Variants in RASGEF1C observed in about 807,000 individuals in gnomAD.
RASGEF1C encodes RasGEF domain family member 1C, also known as ras-GEF domain-containing family member 1C.
A neutral mutation model predicts 58.1 loss-of-function variants in RASGEF1C; 27 were observed. The ratio of observed to expected loss-of-function variants is 0.46; its 90% confidence interval spans 0.34 to 0.64. RASGEF1C has a LOEUF of 0.64. Ranked by LOEUF, RASGEF1C falls within the 30% of genes least tolerant of loss-of-function variation. RASGEF1C has a pLI of 0.01. For synonymous variants in RASGEF1C, 243 were observed against 246.3 expected, an observed-to-expected ratio of 0.99 and a Z score of 0.13; for missense variants, 502 against 605.1, an observed-to-expected ratio of 0.83 and a Z score of 1.79.
intron 4 of RASGEF1C, among the ~76,000 whole-genome samples, chr5:180,133,698 G>C (rs1421280039): frequency 6.7e-6 from 1 of 150,214 alleles, no homozygotes; most frequent in African/African-American, 2.5e-5. Context: ...AAATGTGTGT[G>C]AGGACAGGAC....
intron 1 of RASGEF1C, among the ~76,000 whole-genome samples, chr5:180,180,195 T>C (rs1372731389): frequency 6.6e-6 from 1 of 152,168 alleles, no homozygotes; most frequent in African/African-American, 2.4e-5. Flanking sequence ...TCTCAGTCTG[T>C]GGAGGTAATA....
chr5:180,179,828 G>A lies in RASGEF1C; in HGVS notation c.-7+29200C>T, dbSNP rs117741857. 2.1e-4 allele frequency among the ~76,000 whole-genome samples: 32 copies of A among 152,356 alleles called. No homozygotes were observed. The East Asian group carries it at 5.2e-3, about 25-fold the overall frequency. On this transcript the variant is annotated intron_variant, in intron 1 of 13. Transcript: ENST00000361132. ...ATCTCCGTGTACCCAGAGATAAGTC[G>A]TGTACATTAAATGATAGCAGACTCA... is the stretch of plus-strand genomic sequence containing the variant.
chr5:180,205,362 C>A (rs1756469258), intron 1 of RASGEF1C, among the ~76,000 whole-genome samples: 1 of 152,054 alleles, frequency 6.6e-6, no homozygotes, highest in African/African-American at 2.4e-5. Context: ...TAAAAATACT[C>A]ATGAATAAAC....
Position 180,155,590 on chromosome 5 carries a change from A to T in RASGEF1C, c.-6-17532T>A, listed in dbSNP as rs986624848. On this transcript the variant is annotated intron_variant, in intron 1 of 13. Transcript: ENST00000361132. The surrounding 1 kb of genome is among the most constrained non-coding windows in gnomAD (Gnocchi z 5.2). ...TCTGATTGCTCAGGGCCCGGCTTGC[A>T]GGCAATCTGTTGGATGCGAGGCGAC... is the stretch of plus-strand genomic sequence containing the variant. Among the ~76,000 whole-genome samples the T allele has an allele frequency of 7.2e-5, 11 of 151,866 alleles. No homozygotes were observed. The highest frequency in any genetic ancestry group is 1.2e-4 in the Non-Finnish European group (8 of 67,970).
At chr5:180,134,976 C>T (rs1279007732) in intron 4 of RASGEF1C, among the ~76,000 whole-genome samples, 1 of 149,550 alleles carries the variant, frequency 6.7e-6, no homozygotes, top group Non-Finnish European at 1.5e-5. Flanking sequence ...TTCCCACATT[C>T]ATCTATAAAA....
At chr5:180,141,907 A>G (rs1257850795) in intron 1 of RASGEF1C, among the ~76,000 whole-genome samples, 1 of 152,094 alleles carries the variant, frequency 6.6e-6, no homozygotes, top group African/African-American at 2.4e-5. Context: ...ACGGGGTTTC[A>G]CCATGTTAGC....
intron 1 of RASGEF1C, among the ~76,000 whole-genome samples, chr5:180,189,645 C>T (rs549956932): frequency 1.8e-4 from 28 of 152,222 alleles, no homozygotes; most frequent in African/African-American, 5.3e-4. Context: ...TGGTGGCTCA[C>T]GCCTGGTGGC....
chr5:180,176,193 C>T (rs550284876), intron 1 of RASGEF1C, among the ~76,000 whole-genome samples: 1 of 152,212 alleles, frequency 6.6e-6, no homozygotes, highest in Non-Finnish European at 1.5e-5. Context: ...TGGCCTGGGC[C>T]CTGGTGGCCA....
At chr5:180,103,871 G>A (rs1048239633) in intron 12 of RASGEF1C, among the ~76,000 whole-genome samples, 1 of 152,098 alleles carries the variant, frequency 6.6e-6, no homozygotes, top group Non-Finnish European at 1.5e-5. Flanking sequence ...GTTTCTGAGA[G>A]TTTTTACCAT....
chr5:180,142,586 G>T (rs1009040926), intron 1 of RASGEF1C, among the ~76,000 whole-genome samples: 1 of 152,306 alleles, frequency 6.6e-6, no homozygotes, highest in South Asian at 2.1e-4. Flanking sequence ...GCATGGACGG[G>T]GAGGTGCACA....
rs182903756 is a variant in RASGEF1C at position 180,119,950 on chromosome 5, C to T, written c.805-502G>A. Among the ~76,000 whole-genome samples, 13 of 152,232 alleles carry T rather than the reference C, an allele frequency of 8.5e-5. No homozygotes were observed. In the East Asian group the frequency reaches 9.7e-4, roughly 11 times the overall value. ...CTCGGGACTTCAGACCCCTGTGATG[C>T]GCAGAACCACACCATGTCCTTCCCC... is the stretch of plus-strand genomic sequence containing the variant. On this transcript the variant is annotated intron_variant, in intron 7 of 13. Transcript: ENST00000361132.
chr5:180,120,484 C>T (rs1010931943), intron 7 of RASGEF1C, among the ~76,000 whole-genome samples: 3 of 151,980 alleles, frequency 2.0e-5, no homozygotes, highest in South Asian at 4.2e-4. Context: ...AGATGAGCAG[C>T]CCCCTGGGCT....
intron 1 of RASGEF1C, among the ~76,000 whole-genome samples, chr5:180,176,657 C>T (rs1482124263): frequency 3.3e-5 from 5 of 151,618 alleles, no homozygotes; most frequent in African/African-American, 2.4e-5. Context: ...CCCGGGTTCA[C>T]GCCATTCTCC....
intron 1 of RASGEF1C, among the ~76,000 whole-genome samples, chr5:180,181,679 T>C (rs940206479): frequency 1.3e-5 from 2 of 152,198 alleles, no homozygotes; most frequent in African/African-American, 2.4e-5. Context: ...TCAGAGGGAA[T>C]GTGTCCCATG....
intron 1 of RASGEF1C, among the ~76,000 whole-genome samples, chr5:180,208,531 T>C (rs369567849): frequency 3.9e-5 from 6 of 152,294 alleles, no homozygotes; most frequent in African/African-American, 1.4e-4. Flanking sequence ...GCAGGCCCTC[T>C]GATAGTGGCG....
Position 180,209,176 on chromosome 5 carries a change from C to A in RASGEF1C, c.-155G>T, listed in dbSNP as rs1756557617. ...CCGACCGCCCGGCTCCCAGCGCAGC[C>A]CGCACGAGCGCCTGGCGGCGGCCCC... On this transcript the variant is annotated 5_prime_UTR_variant, in exon 1 of 14. Coordinates refer to ENST00000361132, the MANE Select transcript of RASGEF1C (RefSeq NM_175062.4). The A allele has an allele frequency of 6.8e-6, 1 of 146,972 alleles. No individual in the cohort carries two copies. 9.1% of individuals were successfully genotyped at this position (146,972 alleles called of 1,614,324 possible).
chr5:180,111,530 T>C lies in RASGEF1C; in HGVS notation c.1230A>G (p.Gln410=). 1 of 1,613,974 alleles carries C rather than the reference T, an allele frequency of 6.2e-7. No individual in the cohort carries two copies. The stretch of plus-strand genomic sequence containing the variant: ...CGTCTTGCTCGAAGGGACACTCCAC[T>C]TGTTTCCAGGTGATGAACTCCCCCA... ...KQVGEFITWK[Q]VECPFEQDAS... is the part of the protein sequence containing the mutation. The change falls in exon 12 of 14, where the codon CAA becomes CAG. Residue 410 remains glutamine, a synonymous_variant. Coordinates refer to ENST00000361132, the MANE Select transcript of RASGEF1C (RefSeq NM_175062.4).
rs1561739657 is a variant in RASGEF1C, at chr5:180,136,368, AG to A, written c.438+9del. 1.3e-6 allele frequency: 2 copies of A among 1,552,064 alleles called. No homozygotes were observed. The highest frequency in any genetic ancestry group is 1.7e-6 in the Non-Finnish European group (2 of 1,147,918). ...ACCCAGGGTGACGCGACCCCCGCCC[AG>A]CTGCCCACCTCGTCACAGGGGGCGA... On this transcript the variant is annotated intron_variant, in intron 4 of 13. Coordinates refer to ENST00000361132, the MANE Select transcript of RASGEF1C (RefSeq NM_175062.4).
At chr5:180,182,686 A>G (rs988203771) in intron 1 of RASGEF1C, among the ~76,000 whole-genome samples, 27 of 152,278 alleles carry the variant, frequency 1.8e-4, no homozygotes, top group Middle Eastern at 3.4e-3. Flanking sequence ...TGCTTTTACA[A>G]TCCTTTAGCT....
Sources: gnomAD v4.1 joint callset for allele counts (sites outside exome capture counted in the v4.1 genomes callset) on GRCh38, gnomAD v4.1.1 for gene constraint, Gnocchi (gnomAD v3.1) non-coding constraint, MANE v1.5 for transcripts, NCBI Gene and HGNC (gene_info 2026-07-23, HGNC 2026-07-21) for gene names.